KIAA1217: variants seen among roughly 807,000 people sequenced by gnomAD.
The protein encoded by KIAA1217 is sickle tail protein homolog.
Under a neutral mutation model 163.9 loss-of-function variants are expected in KIAA1217, and 88 were observed. The observed-to-expected ratio is 0.54, with a 90% confidence interval of 0.45 to 0.64. KIAA1217 has a LOEUF of 0.64. Ranked by LOEUF, KIAA1217 falls within the 30% of genes least tolerant of loss-of-function variation. The pLI is 0.00. For synonymous variants in KIAA1217, 903 were observed against 923.1 expected (o/e 0.98, Z 0.39); for missense variants, 2,372 against 2,475.0 (o/e 0.96, Z 0.88).
chr10:24,027,927 G>A (rs1223034746), intron 2 of KIAA1217, among the ~76,000 whole-genome samples: 1 of 152,046 alleles, frequency 6.6e-6, no homozygotes. Context: ...TCTTGCTTAG[G>A]TACCTACAAT....
chr10:24,182,721 G>C (rs2066239302), intron 2 of KIAA1217, among the ~76,000 whole-genome samples: 1 of 152,114 alleles, frequency 6.6e-6, no homozygotes, highest in Non-Finnish European at 1.5e-5. Context: ...GAGGATATGA[G>C]AGAACTCCCA....
At chr10:23,990,047 C>A (rs567791420) in intron 1 of KIAA1217, among the ~76,000 whole-genome samples, 1 of 152,310 alleles carries the variant, frequency 6.6e-6, no homozygotes, top group East Asian at 1.9e-4. Flanking sequence ...AAGGACATGG[C>A]TACAAGCTTT....
chr10:24,361,982 C>CAAAAAAAAAAAAAAAAAAAAAAA (rs68117028), intron 2 of KIAA1217, among the ~76,000 whole-genome samples: 1 of 100,574 alleles, frequency 9.9e-6, no homozygotes, highest in Non-Finnish European at 2.0e-5. Context: ...GACTCTGTCT[C>CAAAAAAAAAAAAAAAAAAAAAAA]AAAAAAAAAA....
At chr10:24,275,437 G>A (rs1178422871) in intron 2 of KIAA1217, among the ~76,000 whole-genome samples, 3 of 152,224 alleles carry the variant, frequency 2.0e-5, no homozygotes, top group African/African-American at 7.2e-5. Context: ...CAAAAAAGCA[G>A]AGTGTTGTTT....
Position 24,543,287 on chromosome 10 carries a change from G to A in KIAA1217, c.4017G>A (p.Glu1339=), listed in dbSNP as rs746662637. 35 of 1,614,074 alleles carry A rather than the reference G, an allele frequency of 2.2e-5. No individual in the cohort carries two copies. The highest frequency in any genetic ancestry group is 3.0e-5 in the Non-Finnish European group (35 of 1,180,018). Reference sequence around the variant, plus strand: ...ATGATTTTAAAACAGAAGATCAAGAGGTTATCACGACAGATTTTGGCCAAG... The same window carrying A: ...ATGATTTTAAAACAGAAGATCAAGAAGTTATCACGACAGATTTTGGCCAAG... ...SVHDFKTEDQ[E]VITTDFGQVV... Residue 1339 remains glutamate (E), a synonymous_variant, in exon 19 of 21, where the codon GAG becomes GAA. Transcript: ENST00000376454.
At chr10:24,312,702 G>A (rs170206) in intron 2 of KIAA1217, among the ~76,000 whole-genome samples, 34,968 of 151,928 alleles carry the variant, frequency 0.23, 4,357 homozygotes, top group African/African-American at 0.27. Flanking sequence ...GATTGCTTGA[G>A]TCCAGGAGTT....
At chr10:24,335,979 G>A (rs1008838707) in intron 2 of KIAA1217, among the ~76,000 whole-genome samples, 2 of 152,222 alleles carry the variant, frequency 1.3e-5, no homozygotes, top group Non-Finnish European at 2.9e-5. Flanking sequence ...AGTGGCTCAC[G>A]CCTGTAATCC....
At chr10:23,955,363 G>A (rs923224168) in intron 1 of KIAA1217, among the ~76,000 whole-genome samples, 1 of 152,198 alleles carries the variant, frequency 6.6e-6, no homozygotes, top group Non-Finnish European at 1.5e-5. Context: ...ATACTGGTGT[G>A]GTATTTCCAA....
At chr10:24,366,014 A>T (rs1219522467) in intron 2 of KIAA1217, among the ~76,000 whole-genome samples, 3 of 152,184 alleles carry the variant, frequency 2.0e-5, no homozygotes, top group Non-Finnish European at 2.9e-5. Flanking sequence ...GTGCAGTAAG[A>T]TATGCAGCTA....
At chr10:24,294,484 G>A (rs1046114791) in intron 2 of KIAA1217, among the ~76,000 whole-genome samples, 1 of 152,196 alleles carries the variant, frequency 6.6e-6, no homozygotes, top group Non-Finnish European at 1.5e-5. Flanking sequence ...GCATGTGTTT[G>A]ATGTGTGTGG....
At chr10:24,384,105 C>T (rs550203407) in intron 3 of KIAA1217, among the ~76,000 whole-genome samples, 4 of 152,234 alleles carry the variant, frequency 2.6e-5, no homozygotes, top group Non-Finnish European at 5.9e-5. Context: ...TCAGATATGC[C>T]GACTGGATAC....
At chr10:24,073,892 G>A (rs1287320032) in intron 2 of KIAA1217, among the ~76,000 whole-genome samples, 2 of 152,124 alleles carry the variant, frequency 1.3e-5, no homozygotes, top group Admixed American at 6.6e-5. Context: ...GGTTAAAACA[G>A]GGTTTCTGTA....
intron 3 of KIAA1217, among the ~76,000 whole-genome samples, chr10:24,389,080 A>G (rs1213674341): frequency 6.6e-6 from 1 of 152,126 alleles, no homozygotes; most frequent in Admixed American, 6.5e-5. Flanking sequence ...ATTATAAATC[A>G]TGCTGCTATA....
rs750346926 is a variant in KIAA1217, at chr10:24,544,989, C to T, written c.5220C>T (p.Ser1740=). The part of the protein sequence containing the change: ...SIPSASRKGS[S]GAPQTSRMPV... ...ACTGGTCCTTCCCACAGGGCTCCAG[C>T]GGGGCCCCACAGACGAGCAGGATGC... is the stretch of plus-strand genomic sequence containing the variant. Residue 1740 remains serine, a synonymous_variant, in exon 20 of 21, where the codon AGC becomes AGT. Coordinates refer to ENST00000376454, the MANE Select transcript of KIAA1217 (RefSeq NM_019590.5). The T allele has an allele frequency of 1.4e-5, 22 of 1,613,972 alleles. 1 individual carries two copies. In the South Asian group the frequency reaches 1.9e-4, roughly 14 times the overall value.
chr10:23,983,563 C>A (rs1364768646), intron 1 of KIAA1217, among the ~76,000 whole-genome samples: 1 of 152,026 alleles, frequency 6.6e-6, no homozygotes, highest in Non-Finnish European at 1.5e-5. Context: ...TATAAAGTAC[C>A]AAGGGAAGGG....
chr10:23,855,697 G>A (rs372285170), intron 1 of KIAA1217, among the ~76,000 whole-genome samples: 1 of 152,130 alleles, frequency 6.6e-6, no homozygotes, highest in Non-Finnish European at 1.5e-5. Flanking sequence ...ATTTCTTGGA[G>A]GCTTTGTTTG....
Position 24,018,926 on chromosome 10 carries a change from A to G in KIAA1217, c.-171+11552A>G, listed in dbSNP as rs117431759. ...TACAACATGAATAAAGGAGGGCATTATGGCAAGTGAAATAAACCTGGCACA... is the reference window on the plus strand; with the variant it reads ...TACAACATGAATAAAGGAGGGCATTGTGGCAAGTGAAATAAACCTGGCACA... On this transcript the variant is annotated intron_variant, in intron 2 of 18. Coordinates refer to the KIAA1217 transcript ENST00000376462. 2.4e-4 allele frequency among the ~76,000 whole-genome samples: 37 copies of G among 152,276 alleles called. No homozygotes were observed. The East Asian group carries it at 4.1e-3, about 17-fold the overall frequency.
At chr10:23,760,074 T>C (rs1368883281) in intron 1 of KIAA1217, among the ~76,000 whole-genome samples, 1 of 152,110 alleles carries the variant, frequency 6.6e-6, no homozygotes, top group Non-Finnish European at 1.5e-5. Flanking sequence ...CCTTCTTGGG[T>C]TTAGGGAAGT....
chr10:23,695,691 A>C lies in KIAA1217; in HGVS notation c.-321+457A>C, dbSNP rs1272782111. ...GGCTGGAAGACAGGGGCAAGGAGAG[A>C]GAGAACCGGCCCCGAGACGGGCTGG... is the stretch of plus-strand genomic sequence containing the variant. On this transcript the variant is annotated intron_variant, in intron 1 of 18. Coordinates refer to the KIAA1217 transcript ENST00000376462. This position sits in a 1 kb window ranked among gnomAD's most constrained non-coding sequence, Gnocchi z 4.9. Among the ~76,000 whole-genome samples, 1 of 152,046 alleles carries C rather than the reference A, an allele frequency of 6.6e-6. No individual in the cohort carries two copies. Among genetic ancestry groups the C allele is most frequent in the South Asian group, 2.1e-4 (1 of 4,812 alleles).
Sources: gnomAD v4.1 joint callset for allele counts (sites outside exome capture counted in the v4.1 genomes callset) on GRCh38, gnomAD v4.1.1 for gene constraint, Gnocchi (gnomAD v3.1) non-coding constraint, MANE v1.5 for transcripts, NCBI Gene and HGNC (gene_info 2026-07-23, HGNC 2026-07-21) for gene names.